CPNE4: variants seen among roughly 807,000 people sequenced by gnomAD.
CPNE4 encodes copine-4.
In CPNE4, 25 loss-of-function variants were observed where a neutral mutation model predicts 67.9. That is an observed-to-expected ratio of 0.37 (90% CI 0.27 to 0.51). CPNE4 has a LOEUF of 0.51. CPNE4 is among the 20% of genes least tolerant of loss of function. The probability of loss-of-function intolerance (pLI) is 0.93; values close to 1 mark genes in which losing one functional copy is unlikely to be tolerated. For missense variants in CPNE4, 464 were observed against 690.8 expected, an observed-to-expected ratio of 0.67 and a Z score of 3.68; for synonymous variants, 242 against 244.9, an observed-to-expected ratio of 0.99 and a Z score of 0.11.
chr3:132,009,789 T>A lies in CPNE4; in HGVS notation c.-2+24778A>T, dbSNP rs147337961. Among the ~76,000 whole-genome samples the A allele has an allele frequency of 1.1e-4, 16 of 152,338 alleles. No homozygotes were observed. The East Asian group carries it at 3.1e-3, about 29-fold the overall frequency. On this transcript the variant is annotated intron_variant, in intron 1 of 15. Coordinates refer to ENST00000429747, the MANE Select transcript of CPNE4 (RefSeq NM_130808.3). ...GACTAATTTTGTCCCCTGGGGGTAT[T>A]TGGCAAAGCCTGGAGATATTTTAAG... is the stretch of plus-strand genomic sequence containing the variant.
chr3:131,964,831 C>A (rs892725636), intron 1 of CPNE4, among the ~76,000 whole-genome samples: 1 of 152,098 alleles, frequency 6.6e-6, no homozygotes, highest in East Asian at 1.9e-4. Flanking sequence ...CATCCCCAAC[C>A]TAGCAAGACA....
chr3:131,592,607 A>G (rs1352549592), intron 7 of CPNE4, among the ~76,000 whole-genome samples: 3 of 151,480 alleles, frequency 2.0e-5, no homozygotes, highest in Admixed American at 1.3e-4. Flanking sequence ...TAGCTGATAT[A>G]CATATATATG....
chr3:131,750,807 G>A (rs2082608279), intron 2 of CPNE4, among the ~76,000 whole-genome samples: 2 of 151,650 alleles, frequency 1.3e-5, no homozygotes, highest in South Asian at 4.2e-4. Context: ...AAAGAACTTT[G>A]TCTCACCATT....
chr3:131,955,662 T>G (rs2071943219), intron 1 of CPNE4, among the ~76,000 whole-genome samples: 1 of 152,012 alleles, frequency 6.6e-6, no homozygotes, highest in Non-Finnish European at 1.5e-5. Context: ...GACAGATACA[T>G]TTCCACTCCT....
intron 1 of CPNE4, among the ~76,000 whole-genome samples, chr3:131,954,480 T>G (rs910591710): frequency 3.9e-5 from 6 of 152,020 alleles, no homozygotes; most frequent in African/African-American, 1.2e-4. Flanking sequence ...ACAATAATTT[T>G]ACTGGTAGAA....
chr3:131,704,178 G>T (rs2081366980), intron 3 of CPNE4, among the ~76,000 whole-genome samples: 1 of 152,142 alleles, frequency 6.6e-6, no homozygotes, highest in Non-Finnish European at 1.5e-5. Flanking sequence ...TAGCAGGCAA[G>T]GAAAAACTGC....
At chr3:131,691,762 G>A (rs2081039640) in intron 5 of CPNE4, among the ~76,000 whole-genome samples, 1 of 152,104 alleles carries the variant, frequency 6.6e-6, no homozygotes, top group Non-Finnish European at 1.5e-5. Flanking sequence ...AAAAATTCAT[G>A]AAGGCATTTT....
At chr3:131,809,951 G>A (rs1258775768) in intron 2 of CPNE4, among the ~76,000 whole-genome samples, 2 of 151,962 alleles carry the variant, frequency 1.3e-5, no homozygotes, top group African/African-American at 2.4e-5. Context: ...TCATGGAAAG[G>A]AAGAAAAGAG....
chr3:131,863,488 T>TTACA (rs2086786712), intron 2 of CPNE4, among the ~76,000 whole-genome samples: 1 of 152,266 alleles, frequency 6.6e-6, no homozygotes, highest in African/African-American at 2.4e-5. Context: ...CATGTGTCTT[T>TTACA]TGGCTGCATA....
At chr3:131,820,138 G>T (rs187419131) in intron 2 of CPNE4, among the ~76,000 whole-genome samples, 2 of 152,292 alleles carry the variant, frequency 1.3e-5, no homozygotes, top group Admixed American at 1.3e-4. Context: ...CCAATACAAG[G>T]TGTTGTAGAT....
At chr3:132,012,173 G>T (rs200715217) in intron 1 of CPNE4, among the ~76,000 whole-genome samples, 53 of 136,150 alleles carry the variant, frequency 3.9e-4, no homozygotes, top group African/African-American at 9.6e-4. Context: ...TTGCTTTTTC[G>T]TTTTTTTTTT....
chr3:131,580,879 A>G (rs576822699), intron 9 of CPNE4, among the ~76,000 whole-genome samples: 2 of 152,278 alleles, frequency 1.3e-5, no homozygotes, highest in East Asian at 3.9e-4. Context: ...TACCACATAT[A>G]AAACACTGGA....
chr3:131,968,410 A>G lies in CPNE4; in HGVS notation c.-1-62966T>C, dbSNP rs546095309. 4.6e-5 allele frequency among the ~76,000 whole-genome samples: 7 copies of G among 152,364 alleles called. No homozygotes were observed. In the East Asian group the frequency reaches 1.3e-3, roughly 29 times the overall value. On this transcript the variant is annotated intron_variant, in intron 1 of 15. Coordinates refer to ENST00000429747, the MANE Select transcript of CPNE4 (RefSeq NM_130808.3). ...GCACAGCAAAAGAAACTGTCATCAC[A>G]GTGAACATGCAACCTACAGAATGGG...
chr3:131,665,439 A>G (rs1206991989), intron 7 of CPNE4, among the ~76,000 whole-genome samples: 1 of 152,078 alleles, frequency 6.6e-6, no homozygotes, highest in East Asian at 1.9e-4. Context: ...TGGGCAGATC[A>G]CTTGAGGTCA....
intron 7 of CPNE4, among the ~76,000 whole-genome samples, chr3:131,662,247 G>A (rs1023310973): frequency 6.6e-6 from 1 of 152,214 alleles, no homozygotes; most frequent in African/African-American, 2.4e-5. Context: ...TTTGGCAGTA[G>A]TGTGTCAGTC....
chr3:131,656,050 TTTC>T (rs1181584977), intron 7 of CPNE4, among the ~76,000 whole-genome samples: 1,384 of 135,776 alleles, frequency 0.01, 15 homozygotes, highest in African/African-American at 0.038. Context: ...CACAATACTG[TTTC>T]TTTTTTTTTT....
intron 7 of CPNE4, among the ~76,000 whole-genome samples, chr3:131,668,525 A>G (rs2080318602): frequency 6.6e-6 from 1 of 151,872 alleles, no homozygotes. Flanking sequence ...AATAACAGCA[A>G]CCTTCTGATG....
At chr3:132,035,135 A>G, upstream of CPNE4, 8 of 891,880 alleles carry the variant, frequency 9.0e-6, no homozygotes, top group Non-Finnish European at 1.1e-5. Context: ...GGCCCCGCCC[A>G]GGCCTTGGCG....
chr3:131,691,760 A>G (rs1336806314), intron 5 of CPNE4, among the ~76,000 whole-genome samples: 1 of 152,212 alleles, frequency 6.6e-6, no homozygotes, highest in African/African-American at 2.4e-5. Flanking sequence ...GAAAAAATTC[A>G]TGAAGGCATT....
Sources: gnomAD v4.1 joint callset for allele counts (sites outside exome capture counted in the v4.1 genomes callset) on GRCh38, gnomAD v4.1.1 for gene constraint, MANE v1.5 for transcripts, NCBI Gene and HGNC (gene_info 2026-07-23, HGNC 2026-07-21) for gene names.